The following DIAPH1 variants were observed in gnomAD, a reference collection of about 807,000 sequenced individuals.
DIAPH1 encodes diaphanous related formin 1, also known as protein diaphanous homolog 1.
A neutral mutation model predicts 140.7 loss-of-function variants in DIAPH1; 46 were observed. The observed-to-expected ratio is 0.33, with a 90% CI of 0.26 to 0.42. The LOEUF is 0.42. Ranked by LOEUF, DIAPH1 falls within the 10% of genes least tolerant of loss-of-function variation. The pLI is 1.00. For synonymous variants in DIAPH1, 565 were observed against 551.6 expected, an observed-to-expected ratio of 1.02 and a Z score of -0.34; for missense variants, 1,310 against 1,558.7, an observed-to-expected ratio of 0.84 and a Z score of 2.69.
At chr5:141,552,660 T>G (rs375470828) in intron 18 of DIAPH1, among the ~76,000 whole-genome samples, 15 of 152,348 alleles carry the variant, frequency 9.8e-5, no homozygotes, top group African/African-American at 3.6e-4. Flanking sequence ...TGTGGTAATT[T>G]GTTATAGGAA....
At chr5:141,562,787 C>T (rs1486055841) in intron 18 of DIAPH1, among the ~76,000 whole-genome samples, 1 of 152,096 alleles carries the variant, frequency 6.6e-6, no homozygotes, top group Admixed American at 6.5e-5. Flanking sequence ...CAACAATTCC[C>T]AAATAGTGTA....
At position 141,528,780 on chromosome 5, in the gene DIAPH1, G is replaced by C. The variant is rs1596339541; in HGVS notation, c.2940C>G (p.Thr980=). The C allele has an allele frequency of 6.2e-7, 1 of 1,614,204 alleles. No homozygotes were observed. ...CATTCATGTAATTTCCAACAAGCAA[G>C]GTAATCTCTAGGAGATTGGAAAAGC... ...SESFSNLLEI[T]LLVGNYMNAG... Residue 980 remains threonine, a synonymous_variant, in exon 22 of 28, where the codon ACC becomes ACG. Transcript: ENST00000389054.
At chr5:141,609,687 C>A (rs1229358976) in intron 1 of DIAPH1, among the ~76,000 whole-genome samples, 1 of 152,148 alleles carries the variant, frequency 6.6e-6, no homozygotes, top group Non-Finnish European at 1.5e-5. Flanking sequence ...TATTCCCTAT[C>A]CTAGTCTGGA....
chr5:141,553,121 G>A (rs2099891995), intron 18 of DIAPH1, among the ~76,000 whole-genome samples: 1 of 151,930 alleles, frequency 6.6e-6, no homozygotes, highest in Non-Finnish European at 1.5e-5. Context: ...AAAAAACCCT[G>A]TCTCTACTAA....
At chr5:141,614,907 C>A (rs1319299072) in intron 1 of DIAPH1, among the ~76,000 whole-genome samples, 1 of 152,116 alleles carries the variant, frequency 6.6e-6, no homozygotes, top group Non-Finnish European at 1.5e-5. Context: ...CAGTTTTCTG[C>A]AAACTTTTGG....
At chr5:141,535,104 C>T (rs540307909) in intron 18 of DIAPH1, among the ~76,000 whole-genome samples, 1 of 152,108 alleles carries the variant, frequency 6.6e-6, no homozygotes, top group Non-Finnish European at 1.5e-5. Flanking sequence ...TGCAGGCCAC[C>T]ACGCCCGGCT....
intron 1 of DIAPH1, among the ~76,000 whole-genome samples, chr5:141,590,805 C>T (rs1017993884): frequency 1.3e-5 from 2 of 151,636 alleles, no homozygotes; most frequent in Admixed American, 1.3e-4. Flanking sequence ...ACTCTTGATT[C>T]GTCTCTCTTC....
At chr5:141,610,746 C>T (rs564447347) in intron 1 of DIAPH1, among the ~76,000 whole-genome samples, 92 of 151,886 alleles carry the variant, frequency 6.1e-4, no homozygotes, top group African/African-American at 1.8e-3. Flanking sequence ...CACCGTACCC[C>T]GCCTAGCGAG....
chr5:141,527,762 C>T (rs1013233564), intron 23 of DIAPH1, 65 bp from the exon 24 acceptor site: 9 of 1,494,244 alleles, frequency 6.0e-6, no homozygotes, highest in Non-Finnish European at 8.0e-6. Context: ...ATAATCCCAG[C>T]CTCAACACCC....
intron 18 of DIAPH1, among the ~76,000 whole-genome samples, chr5:141,570,575 G>A (rs1025681699): frequency 2.6e-5 from 4 of 152,014 alleles, no homozygotes; most frequent in African/African-American, 9.7e-5. Context: ...AGAACAAAGT[G>A]CAGCCTGTTT....
chr5:141,611,772 T>G (rs1342677583), intron 1 of DIAPH1, among the ~76,000 whole-genome samples: 3 of 151,998 alleles, frequency 2.0e-5, no homozygotes, highest in Admixed American at 6.6e-5. Flanking sequence ...AATGACAAAT[T>G]AAAGCATACT....
At chr5:141,548,882 TAG>T (rs1248148038) in intron 18 of DIAPH1, among the ~76,000 whole-genome samples, 1 of 152,176 alleles carries the variant, frequency 6.6e-6, no homozygotes, top group Non-Finnish European at 1.5e-5. Context: ...TAATTTGTAT[TAG>T]ACTATCATAA....
Position 141,540,122 on chromosome 5 carries a change from T to A in DIAPH1, c.2483-5689A>T, listed in dbSNP as rs542594253. The stretch of plus-strand genomic sequence containing the variant: ...ATCTCATAAGGCATAAGGTTGTTTT[T>A]TTTCTTTTTTTTGAGACGGAGTCTT... On this transcript the variant is annotated intron_variant, in intron 18 of 27. Transcript: ENST00000389054. Among the ~76,000 whole-genome samples the A allele has an allele frequency of 7.2e-5, 11 of 151,926 alleles. No individual in the cohort carries two copies. The South Asian group carries it at 2.3e-3, about 32-fold the overall frequency.
intron 2 of DIAPH1, 109 bp from the exon 3 acceptor site, chr5:141,587,306 T>A: frequency 8.7e-7 from 1 of 1,151,104 alleles, no homozygotes; most frequent in Non-Finnish European, 1.3e-6. Context: ...GTTCCTCTGG[T>A]TCACAAGCAG....
chr5:141,546,544 T>TA (rs1176323361), intron 18 of DIAPH1, among the ~76,000 whole-genome samples: 1 of 151,414 alleles, frequency 6.6e-6, no homozygotes. Flanking sequence ...TAATCCCAGC[T>TA]ACTTGAGAGG....
At chr5:141,587,529 T>G (rs1042305736) in intron 2 of DIAPH1, 3 of 318,100 alleles carry the variant, frequency 9.4e-6, no homozygotes, top group Non-Finnish European at 1.8e-5. Context: ...CATGACAGAG[T>G]TCTATCAATA....
intron 1 of DIAPH1, among the ~76,000 whole-genome samples, chr5:141,617,428 C>A (rs2099902865): frequency 6.6e-6 from 1 of 152,176 alleles, no homozygotes; most frequent in Non-Finnish European, 1.5e-5. Flanking sequence ...TATTTTAATT[C>A]TATTTAGAAT....
chr5:141,573,819 TG>T lies in DIAPH1; in HGVS notation c.2030del (p.Pro677HisfsTer91). ...TAGCACTCCCAGGCAAAGGAGGAGG[TG>T]GGGGGATGGCAGTACCTCCAGGCAA... ...SSLPGGTAIPPPPPLPGSARI... is the reference protein window; with the variant it reads ...SSLPGGTAIPXPPPLPGSARI... On this transcript the variant is annotated frameshift_variant, in exon 16 of 28. Coordinates refer to ENST00000389054, the MANE Select transcript of DIAPH1 (RefSeq NM_005219.5). LOFTEE classifies it high-confidence loss of function. 1 of 1,215,296 alleles carries T rather than the reference TG, an allele frequency of 8.2e-7. No individual in the cohort carries two copies. Among genetic ancestry groups the T allele is most frequent in the Non-Finnish European group, 1.0e-6 (1 of 957,740 alleles). 75.3% of individuals were successfully genotyped at this position (1,215,296 alleles called of 1,614,324 possible).
chr5:141,560,477 T>G lies in DIAPH1; in HGVS notation c.2482+10951A>C, dbSNP rs1297962913. The G allele has an allele frequency of 3.2e-5, 5 of 158,014 alleles. No individual in the cohort carries two copies. The South Asian group carries it at 7.0e-4, about 22-fold the overall frequency. The allele number at this position is 158,014 out of a possible 1,614,324, so 9.8% of individuals were successfully genotyped here. A position where few individuals can be genotyped will look rare whatever the true frequency, so the allele number is the denominator to read the frequency against. Reference sequence around the variant, plus strand: ...AAGGACATATTAATTCTCTTTTATATCTCTCAATTATAAAACAAAGATAAT... The same window carrying G: ...AAGGACATATTAATTCTCTTTTATAGCTCTCAATTATAAAACAAAGATAAT... On this transcript the variant is annotated intron_variant, in intron 18 of 27. Transcript: ENST00000389054.
Sources: allele counts gnomAD v4.1 joint callset (sites outside exome capture counted in the v4.1 genomes callset), GRCh38; gene constraint gnomAD v4.1.1; transcripts MANE v1.5; gene names NCBI Gene and HGNC (gene_info 2026-07-23, HGNC 2026-07-21).